Variants in CELF4 observed in about 807,000 individuals in gnomAD.
The protein encoded by CELF4 is CUGBP Elav-like family member 4, also known as CUG-BP- and ETR-3-like factor 4.
In CELF4, 18 loss-of-function variants were observed where a neutral mutation model predicts 59.9. The observed-to-expected ratio is 0.30, with a 90% CI of 0.21 to 0.45. The LOEUF is 0.45. Ranked by LOEUF, CELF4 falls within the 20% of genes least tolerant of loss-of-function variation. The pLI, the probability that CELF4 is intolerant of heterozygous loss-of-function variation, is 1.00. For synonymous variants in CELF4, 261 were observed against 267.1 expected (o/e 0.98, Z 0.22); for missense variants, 456 against 689.0 (o/e 0.66, Z 3.79).
chr18:37,462,320 C>T (rs946755279), intron 2 of CELF4, among the ~76,000 whole-genome samples: 1 of 152,314 alleles, frequency 6.6e-6, no homozygotes, highest in South Asian at 2.1e-4. Context: ...GTCCAGCTTC[C>T]CTTTAGGCAG....
intron 2 of CELF4, among the ~76,000 whole-genome samples, chr18:37,373,866 AT>A (rs1238173563): frequency 6.6e-6 from 1 of 152,184 alleles, no homozygotes; most frequent in African/African-American, 2.4e-5. Flanking sequence ...CCCATTCCCA[AT>A]ACCACAGCCT....
intron 1 of CELF4, among the ~76,000 whole-genome samples, chr18:37,494,818 A>G (rs1036284748): frequency 2.0e-5 from 3 of 152,136 alleles, no homozygotes; most frequent in Non-Finnish European, 2.9e-5. Flanking sequence ...TCAGGGAGAC[A>G]CGAGGGTCCT....
intron 2 of CELF4, among the ~76,000 whole-genome samples, chr18:37,471,124 C>A (rs2099825483): frequency 6.6e-6 from 1 of 152,042 alleles, no homozygotes; most frequent in South Asian, 2.1e-4. Flanking sequence ...AGCCAAGTTT[C>A]CCTTCAGCCC....
chr18:37,559,237 C>G (rs1318198999), intron 1 of CELF4, among the ~76,000 whole-genome samples: 1 of 152,240 alleles, frequency 6.6e-6, no homozygotes, highest in East Asian at 1.9e-4. Flanking sequence ...TATAGCCTTG[C>G]AAGATTAAAC....
chr18:37,480,614 A>T (rs549536888), intron 2 of CELF4, among the ~76,000 whole-genome samples: 28 of 152,246 alleles, frequency 1.8e-4, no homozygotes, highest in African/African-American at 6.3e-4. Flanking sequence ...CAATGGCAGG[A>T]CTGTCAGGGA....
intron 2 of CELF4, among the ~76,000 whole-genome samples, chr18:37,346,103 G>A (rs995916426): frequency 6.6e-6 from 1 of 152,220 alleles, no homozygotes; most frequent in African/African-American, 2.4e-5. Flanking sequence ...TCTGTAGTGT[G>A]GAGCAGGGAC....
At chr18:37,393,176 G>A (rs1302502044) in intron 2 of CELF4, among the ~76,000 whole-genome samples, 1 of 152,164 alleles carries the variant, frequency 6.6e-6, no homozygotes, top group Non-Finnish European at 1.5e-5. Context: ...AGATGGCTTG[G>A]TTCCTCTCGG....
chr18:37,385,888 T>A (rs905578565), intron 2 of CELF4, among the ~76,000 whole-genome samples: 102 of 152,364 alleles, frequency 6.7e-4, no homozygotes, highest in African/African-American at 2.4e-3. Context: ...TACCTTCATA[T>A]AAGTCTGTGA....
chr18:37,333,626 C>T (rs1569565688), intron 2 of CELF4, among the ~76,000 whole-genome samples: 1 of 151,972 alleles, frequency 6.6e-6, no homozygotes, highest in Admixed American at 6.6e-5. Context: ...CTCATGGCTC[C>T]ATTCTGCCCG....
intron 3 of CELF4, among the ~76,000 whole-genome samples, chr18:37,319,976 C>CG (rs1227822564): frequency 2.0e-5 from 3 of 152,222 alleles, no homozygotes; most frequent in African/African-American, 7.2e-5. Context: ...CCAGCCCTGG[C>CG]GGGGGGAAGG....
chr18:37,260,884 C>A (rs1397005688), intron 10 of CELF4, among the ~76,000 whole-genome samples: 1 of 152,034 alleles, frequency 6.6e-6, no homozygotes, highest in Non-Finnish European at 1.5e-5. Flanking sequence ...AGGCATCCTG[C>A]TGGGGGACGG....
intron 1 of CELF4, among the ~76,000 whole-genome samples, chr18:37,514,525 G>C (rs2099948394): frequency 6.6e-6 from 1 of 152,150 alleles, no homozygotes; most frequent in South Asian, 2.1e-4. Context: ...GAGCCCCCTT[G>C]AAGAGCAAAG....
At chr18:37,283,036 C>T (rs908211094) in intron 3 of CELF4, among the ~76,000 whole-genome samples, 2 of 152,090 alleles carry the variant, frequency 1.3e-5, no homozygotes, top group Non-Finnish European at 2.9e-5. Flanking sequence ...AATGAAGACC[C>T]TCACCTGCTC....
chr18:37,423,121 CAGAG>C (rs1430774970), intron 2 of CELF4, among the ~76,000 whole-genome samples: 3 of 151,228 alleles, frequency 2.0e-5, no homozygotes, highest in East Asian at 1.9e-4. Flanking sequence ...GACAGACAGA[CAGAG>C]AGAGTCAGAG....
intron 2 of CELF4, among the ~76,000 whole-genome samples, chr18:37,398,917 A>T (rs1444939852): frequency 1.3e-5 from 2 of 152,112 alleles, no homozygotes; most frequent in Admixed American, 1.3e-4. Flanking sequence ...GGGTGCATAT[A>T]GATTTCAAAC....
intron 3 of CELF4, among the ~76,000 whole-genome samples, chr18:37,309,072 C>A (rs186081142): frequency 5.0e-4 from 76 of 152,276 alleles, no homozygotes; most frequent in Middle Eastern, 3.4e-3. Flanking sequence ...CCCACCCATG[C>A]CAAAGGGTAT....
intron 2 of CELF4, among the ~76,000 whole-genome samples, chr18:37,358,003 CT>C (rs1235504907): frequency 6.6e-6 from 1 of 152,190 alleles, no homozygotes; most frequent in Non-Finnish European, 1.5e-5. Context: ...AGGGACTTGC[CT>C]TGTCTCAGGT....
intron 2 of CELF4, among the ~76,000 whole-genome samples, chr18:37,411,471 C>A (rs752594195): frequency 1.3e-5 from 2 of 152,010 alleles, no homozygotes; most frequent in Non-Finnish European, 2.9e-5. Flanking sequence ...GTGTGCATGG[C>A]AAGAAAAATA....
chr18:37,337,653 G>A (rs1437635125), intron 2 of CELF4, among the ~76,000 whole-genome samples: 3 of 152,176 alleles, frequency 2.0e-5, no homozygotes, highest in African/African-American at 4.8e-5. Context: ...CCTCTGCCTC[G>A]GAAGTCATGT....
Sources: gnomAD v4.1 joint callset for allele counts (sites outside exome capture counted in the v4.1 genomes callset) on GRCh38, gnomAD v4.1.1 for gene constraint, MANE v1.5 for transcripts, NCBI Gene and HGNC (gene_info 2026-07-23, HGNC 2026-07-21) for gene names.